ZBTB5: variants seen among roughly 807,000 people sequenced by gnomAD.
The protein encoded by ZBTB5 is zinc finger and BTB domain-containing protein 5.
A neutral mutation model predicts 37.9 loss-of-function variants in ZBTB5; 15 were observed. The ratio of observed to expected loss-of-function variants is 0.40; its 90% CI spans 0.26 to 0.61. ZBTB5 has a LOEUF of 0.61. ZBTB5 is among the 20% of genes least tolerant of loss of function. The pLI is 0.47. For synonymous variants in ZBTB5, 315 were observed against 312.4 expected (o/e 1.01, Z -0.09); for missense variants, 708 against 856.8 (o/e 0.83, Z 2.17).
intron 1 of ZBTB5, among the ~76,000 whole-genome samples, chr9:37,458,713 T>A (rs930439258): frequency 6.6e-6 from 1 of 152,208 alleles, no homozygotes; most frequent in Admixed American, 6.5e-5. Flanking sequence ...TTTTTTTACA[T>A]TGTATAATAA....
chr9:37,445,643 CAAAAAAA>C (rs762452347), intron 1 of ZBTB5, among the ~76,000 whole-genome samples: 1 of 103,934 alleles, frequency 9.6e-6, no homozygotes, highest in East Asian at 2.7e-4. Context: ...GAGACCCTGT[CAAAAAAA>C]AAAAAAGAAA....
chr9:37,446,794 G>A (rs1037906455), intron 1 of ZBTB5, among the ~76,000 whole-genome samples: 10 of 152,218 alleles, frequency 6.6e-5, no homozygotes, highest in Admixed American at 4.6e-4. Context: ...CTATAGCCCT[G>A]CCTTAGAAAG....
chr9:37,462,298 A>G (rs113897862), intron 1 of ZBTB5, among the ~76,000 whole-genome samples: 61 of 152,258 alleles, frequency 4.0e-4, no homozygotes, highest in African/African-American at 1.5e-3. Context: ...GACTACTATG[A>G]TAGAGGCAGG....
rs67502719 is a variant in ZBTB5, at chr9:37,451,555, C to CAAAAAAAAAA, written c.-4-9010_-4-9001dup. On this transcript the variant is annotated intron_variant, in intron 1 of 1. Coordinates refer to ENST00000307750, the MANE Select transcript of ZBTB5 (RefSeq NM_014872.3). ...CCTGGGTGACAGAGTGAGACTATCT[C>CAAAAAAAAAA]AAAAAAAAAAAAAAAAAAAAAAGAC... Among the ~76,000 whole-genome samples the CAAAAAAAAAA allele has an allele frequency of 3.7e-4, 27 of 72,738 alleles. 1 individual carries two copies. The highest frequency in any genetic ancestry group is 1.4e-3 in the African/African-American group (27 of 18,644). 47.7% of individuals were successfully genotyped at this position (72,738 alleles called of 152,430 possible). A position where few individuals can be genotyped will look rare whatever the true frequency, so the allele number is the denominator to read the frequency against.
At chr9:37,444,046 G>A (rs1413982944) in intron 1 of ZBTB5, among the ~76,000 whole-genome samples, 4 of 152,134 alleles carry the variant, frequency 2.6e-5, no homozygotes, top group Non-Finnish European at 5.9e-5. Flanking sequence ...CTGGGCCACT[G>A]CACTCCAGCC....
At chr9:37,445,945 G>A (rs115315254) in intron 1 of ZBTB5, among the ~76,000 whole-genome samples, 4,118 of 152,008 alleles carry the variant, frequency 0.027, 192 homozygotes, top group African/African-American at 0.091. Flanking sequence ...AACTAAAAAT[G>A]CAAAAAGTAG....
At chr9:37,460,332 G>T (rs1824267172) in intron 1 of ZBTB5, among the ~76,000 whole-genome samples, 1 of 151,984 alleles carries the variant, frequency 6.6e-6, no homozygotes, top group Non-Finnish European at 1.5e-5. Context: ...AGCTACTCGG[G>T]GGCTGAGGCA....
chr9:37,450,296 G>C (rs1310227367), intron 1 of ZBTB5, among the ~76,000 whole-genome samples: 1 of 151,748 alleles, frequency 6.6e-6, no homozygotes, highest in Non-Finnish European at 1.5e-5. Flanking sequence ...ATTTACCCCA[G>C]ACAACGAAGC....
At chr9:37,464,724 G>C (rs1824358070) in intron 1 of ZBTB5, among the ~76,000 whole-genome samples, 1 of 152,208 alleles carries the variant, frequency 6.6e-6, no homozygotes, top group African/African-American at 2.4e-5. Flanking sequence ...TAACAAGTTG[G>C]GGCATTCCGA....
At chr9:37,458,202 C>T (rs1242901886) in intron 1 of ZBTB5, among the ~76,000 whole-genome samples, 1 of 152,218 alleles carries the variant, frequency 6.6e-6, no homozygotes, top group African/African-American at 2.4e-5. Context: ...GAATGCCAAA[C>T]ATCTGTGCTG....
At position 37,441,411 on chromosome 9, in the gene ZBTB5, C is replaced by A; in HGVS notation, c.1141G>T (p.Asp381Tyr). The A allele has an allele frequency of 6.2e-7, 1 of 1,613,936 alleles. No homozygotes were observed. Among genetic ancestry groups the A allele is most frequent in the Non-Finnish European group, 8.5e-7 (1 of 1,179,980 alleles). The part of the protein sequence containing the change: ...SPESSDRSFS[D>Y]PQSSTDRVGD... ...ACCCTGTCTGTGCTAGACTGGGGAT[C>A]TGAAAAACTCCGATCACTGCTTTCA... Residue 381 changes from aspartate to tyrosine, a missense_variant, in exon 2 of 2, where the codon GAT (aspartate) becomes TAT (tyrosine). By Grantham distance (160) the Asp-to-Tyr change is radical. This residue lies in a region of ZBTB5 where 639 missense variants were observed against 690.5 expected (regional missense o/e 0.93). Coordinates refer to ENST00000307750, the MANE Select transcript of ZBTB5 (RefSeq NM_014872.3).
chr9:37,457,752 A>G (rs1824217894), intron 1 of ZBTB5, among the ~76,000 whole-genome samples: 1 of 152,254 alleles, frequency 6.6e-6, no homozygotes, highest in South Asian at 2.1e-4. Flanking sequence ...AGCGTTGACA[A>G]CAGAGCTAGG....
chr9:37,442,902 A>G (rs1823912484), intron 1 of ZBTB5, among the ~76,000 whole-genome samples: 1 of 152,182 alleles, frequency 6.6e-6, no homozygotes, highest in Non-Finnish European at 1.5e-5. Flanking sequence ...TGCATTCCCT[A>G]AGGATGAGGA....
At chr9:37,445,643 C>CA (rs762452347) in intron 1 of ZBTB5, among the ~76,000 whole-genome samples, 2,342 of 103,764 alleles carry the variant, frequency 0.023, 18 homozygotes, top group Middle Eastern at 0.03. Context: ...GAGACCCTGT[C>CA]AAAAAAAAAA....
chr9:37,440,053 G>A lies in ZBTB5; in HGVS notation c.*465C>T. 5.9e-6 allele frequency: 1 copy of A among 169,854 alleles called. No individual in the cohort carries two copies. The highest frequency in any genetic ancestry group is 1.5e-4 in the South Asian group (1 of 6,774). The allele number at this position is 169,854 out of a possible 1,614,324, so 10.5% of individuals were successfully genotyped here. A position where few individuals can be genotyped will look rare whatever the true frequency, so the allele number is the denominator to read the frequency against. ...ACTTTAAAGCATTTGTGGCAGACAG[G>A]TGTGTCCTCAAAGGCCTTCCTTTAA... On this transcript the variant is annotated 3_prime_UTR_variant, in exon 2 of 2. Transcript: ENST00000307750.
At chr9:37,450,907 T>C (rs1315626159) in intron 1 of ZBTB5, among the ~76,000 whole-genome samples, 1 of 151,294 alleles carries the variant, frequency 6.6e-6, no homozygotes, top group Non-Finnish European at 1.5e-5. Flanking sequence ...TTATTTAATA[T>C]ATACATGTAA....
At chr9:37,444,686 T>C (rs1188152879) in intron 1 of ZBTB5, among the ~76,000 whole-genome samples, 3 of 152,158 alleles carry the variant, frequency 2.0e-5, no homozygotes, top group East Asian at 1.9e-4. Flanking sequence ...TTCAAAATTA[T>C]CCAAGAAAAT....
At chr9:37,456,125 A>G (rs1465055231) in intron 1 of ZBTB5, among the ~76,000 whole-genome samples, 2 of 150,790 alleles carry the variant, frequency 1.3e-5, no homozygotes, top group Non-Finnish European at 3.0e-5. Context: ...TAATTTTTGT[A>G]TTTTTTGTAG....
At chr9:37,464,255 G>A (rs1486960911) in intron 1 of ZBTB5, among the ~76,000 whole-genome samples, 1 of 152,166 alleles carries the variant, frequency 6.6e-6, no homozygotes, top group East Asian at 1.9e-4. Context: ...CTAAAGAAAA[G>A]CCCGTAATGT....
Sources: allele counts gnomAD v4.1 joint callset (sites outside exome capture counted in the v4.1 genomes callset), GRCh38; gene constraint gnomAD v4.1.1; regional missense constraint gnomAD v4.1.1; transcripts MANE v1.5; gene names NCBI Gene and HGNC (gene_info 2026-07-23, HGNC 2026-07-21).